N4BP2: variants seen among roughly 807,000 people sequenced by gnomAD.
N4BP2 encodes the protein NEDD4-binding protein 2.
In N4BP2, 91 loss-of-function variants were observed where a neutral mutation model predicts 152.8. That is an observed-to-expected ratio of 0.60 (90% CI 0.50 to 0.71). The LOEUF is 0.71. N4BP2 is among the 30% of genes least tolerant of loss of function. N4BP2 has a pLI of 0.00. For synonymous variants in N4BP2, 646 were observed against 705.3 expected, an observed-to-expected ratio of 0.92 and a Z score of 1.33; for missense variants, 1,923 against 2,059.1, an observed-to-expected ratio of 0.93 and a Z score of 1.28.
chr4:40,178,681 A>G, the N4BP2 span, among the ~76,000 whole-genome samples: 214 of 152,314 alleles, frequency 1.4e-3, 1 homozygote, highest in African/African-American at 4.9e-3. Flanking sequence ...GGACAAAACA[A>G]AGTTTTGGAA....
intron 8 of N4BP2, among the ~76,000 whole-genome samples, chr4:40,119,276 C>T (rs375515808): frequency 6.6e-6 from 1 of 151,990 alleles, no homozygotes; most frequent in Non-Finnish European, 1.5e-5. Flanking sequence ...AGGCATCCTG[C>T]GAGAGTTGGG....
At chr4:40,118,157 A>T in intron 8 of N4BP2, 133 bp downstream of exon 8, 2 of 677,848 alleles carry the variant, frequency 3.0e-6, no homozygotes, top group African/African-American at 1.9e-5. Flanking sequence ...GGTGGCTCAC[A>T]CCTGTAATCC....
At chr4:40,112,242 A>C in intron 6 of N4BP2, 70 bp downstream of exon 6, 1 of 900,844 alleles carries the variant, frequency 1.1e-6, no homozygotes, top group Admixed American at 2.4e-5. Context: ...TAATTATGAA[A>C]GTGAATCTGA....
intron 13 of N4BP2, among the ~76,000 whole-genome samples, chr4:40,135,809 C>T (rs552281324): frequency 7.7e-4 from 118 of 152,280 alleles, no homozygotes; most frequent in African/African-American, 2.5e-3. Flanking sequence ...TCAGGTGATC[C>T]ACCTGCCTCG....
intron 12 of N4BP2, among the ~76,000 whole-genome samples, chr4:40,126,680 ATGGAAGCCT>A (rs1421888354): frequency 6.6e-6 from 1 of 152,150 alleles, no homozygotes; most frequent in Middle Eastern, 3.4e-3. Flanking sequence ...ATCACAGCTC[ATGGAAGCCT>A]TGACCTCCAG....
intron 12 of N4BP2, among the ~76,000 whole-genome samples, chr4:40,128,527 T>A (rs1019884992): frequency 6.9e-6 from 1 of 144,288 alleles, no homozygotes; most frequent in Non-Finnish European, 1.5e-5. Context: ...ATGAATTTTC[T>A]TTCTTCTTTC....
intron 13 of N4BP2, among the ~76,000 whole-genome samples, chr4:40,132,146 C>T (rs28505756): frequency 6.6e-6 from 1 of 151,940 alleles, no homozygotes; most frequent in Non-Finnish European, 1.5e-5. Context: ...AATTGATTTA[C>T]AAATTAGGCA....
chr4:40,187,460 A>G, the N4BP2 span, among the ~76,000 whole-genome samples: 1 of 151,972 alleles, frequency 6.6e-6, no homozygotes, highest in Non-Finnish European at 1.5e-5. Context: ...TCACTATATG[A>G]CACAGTTATT....
At chr4:40,066,718 G>GT (rs1711558850) in intron 1 of N4BP2, among the ~76,000 whole-genome samples, 1 of 152,176 alleles carries the variant, frequency 6.6e-6, no homozygotes, top group East Asian at 1.9e-4. Flanking sequence ...GCTACTCATA[G>GT]TTTTTTTAGT....
intron 3 of N4BP2, among the ~76,000 whole-genome samples, chr4:40,097,901 A>G (rs1715245823): frequency 6.6e-6 from 1 of 152,106 alleles, no homozygotes. Context: ...TGGCTCTCCT[A>G]TGCATTGTAG....
downstream of N4BP2, among the ~76,000 whole-genome samples, chr4:40,161,558 A>G (rs1473270368): frequency 6.6e-6 from 1 of 152,152 alleles, no homozygotes; most frequent in East Asian, 1.9e-4. Flanking sequence ...TTAAAGAACA[A>G]TTGTTTTTTA....
At chr4:40,136,483 C>T (rs1486801117) in intron 13 of N4BP2, among the ~76,000 whole-genome samples, 1 of 152,122 alleles carries the variant, frequency 6.6e-6, no homozygotes, top group Non-Finnish European at 1.5e-5. Context: ...CTTCCGGGTT[C>T]AAGCGATTCT....
rs953505328 is a variant in N4BP2, at chr4:40,102,688, A to G, written c.843A>G (p.Glu281=). ...AGTGCGTTGAGGCTCAATTCTCTGA[A>G]GCTCCTGTAGATTTGGATGCCAGTG... ...ESECVEAQFS[E]APVDLDASEP... is the part of the protein sequence containing the mutation. The change falls in exon 4 of 18, where the codon GAA becomes GAG. Residue 281 remains glutamate, a synonymous_variant. Transcript: ENST00000261435. 3 of 1,614,216 alleles carry G rather than the reference A, an allele frequency of 1.9e-6. No individual in the cohort carries two copies. Among genetic ancestry groups the G allele is most frequent in the Admixed American group, 3.3e-5 (2 of 60,020 alleles).
chr4:40,057,724 C>T (rs532597051), intron 1 of N4BP2, among the ~76,000 whole-genome samples: 1 of 152,230 alleles, frequency 6.6e-6, no homozygotes, highest in South Asian at 2.1e-4. Context: ...TAGAGTGAGT[C>T]ATCTTAGCGG....
rs547211588 is a variant in N4BP2, at chr4:40,147,207, T to G, written c.5143+2407T>G. 3.1e-3 allele frequency among the ~76,000 whole-genome samples: 463 copies of G among 150,898 alleles called. 6 individuals carry two copies. Among genetic ancestry groups the G allele is most frequent in the Non-Finnish European group, 4.8e-3 (326 of 67,544 alleles). ...ACCCTGAGTGGACACAGCACATGTT[T>G]CAGAGAGCACAGGGTTGGGGGTAAG... On this transcript the variant is annotated intron_variant, in intron 16 of 17. Coordinates refer to ENST00000261435, the MANE Select transcript of N4BP2 (RefSeq NM_018177.6).
intron 13 of N4BP2, among the ~76,000 whole-genome samples, chr4:40,136,717 C>A (rs552106210): frequency 6.6e-6 from 1 of 152,298 alleles, no homozygotes; most frequent in South Asian, 2.1e-4. Context: ...TTTTGGCATT[C>A]ATTTTTTGAA....
At chr4:40,109,888 AG>A (rs1716707269) in intron 5 of N4BP2, among the ~76,000 whole-genome samples, 1 of 152,230 alleles carries the variant, frequency 6.6e-6, no homozygotes, top group African/African-American at 2.4e-5. Context: ...CTTAATATTC[AG>A]GGCTGTGCAT....
the N4BP2 span, among the ~76,000 whole-genome samples, chr4:40,171,456 C>G: frequency 6.6e-6 from 1 of 152,170 alleles, no homozygotes; most frequent in Non-Finnish European, 1.5e-5. Context: ...TCTGATGACA[C>G]TTAGGTTCAG....
chr4:40,076,897 T>A (rs1169161363), intron 2 of N4BP2, among the ~76,000 whole-genome samples: 1 of 152,226 alleles, frequency 6.6e-6, no homozygotes, highest in Non-Finnish European at 1.5e-5. Context: ...AACTTAATCC[T>A]TGGGAAAGAC....
Sources: allele counts gnomAD v4.1 joint callset (sites outside exome capture counted in the v4.1 genomes callset), GRCh38; gene constraint gnomAD v4.1.1; transcripts MANE v1.5; gene names NCBI Gene and HGNC (gene_info 2026-07-23, HGNC 2026-07-21).